The following KALRN variants were observed in gnomAD, a reference collection of about 807,000 sequenced individuals.
KALRN encodes kalirin.
KALRN carries 70 observed loss-of-function variants against 353.7 expected under a neutral mutation model. That is an observed-to-expected ratio of 0.20 (90% CI 0.16 to 0.24). The LOEUF (loss-of-function observed/expected upper bound fraction) is 0.24, where lower values mean the gene tolerates loss of function less well. KALRN is among the 10% of genes least tolerant of loss of function. KALRN has a pLI of 1.00. For missense variants in KALRN, 2,791 were observed against 3,756.7 expected (o/e 0.74, Z 6.72); for synonymous variants, 1,391 against 1,434.8 (o/e 0.97, Z 0.69).
intron 25 of KALRN, among the ~76,000 whole-genome samples, chr3:124,463,798 G>A (rs2060076072): frequency 6.6e-6 from 1 of 152,010 alleles, no homozygotes; most frequent in African/African-American, 2.4e-5. Flanking sequence ...TTCACCTCCT[G>A]GTTATTAATT....
rs373541267 is a variant in KALRN, at chr3:124,717,324, G to A, written c.8354G>A (p.Arg2785Gln). ...LMEEKVAFYI[R>Q]DIMEALQYLH... is the part of the protein sequence containing the mutation. The stretch of plus-strand genomic sequence containing the variant: ...GAGGAAAAAGTAGCTTTCTATATCC[G>A]AGACATCATGGAGGCTCTGCAGTAC... Residue 2785 changes from arginine (R) to glutamine (Q), a missense_variant, in exon 59 of 60, where the codon CGA (arginine) becomes CAA (glutamine). Physicochemically the swap from Arg to Gln is conservative, Grantham distance 43 (BLOSUM62 1). This residue lies in a region of KALRN where 188 missense variants were observed against 402.9 expected (regional missense o/e 0.47). Coordinates refer to ENST00000682506, the MANE Select transcript of KALRN (RefSeq NM_001388419.1). 3.6e-5 allele frequency: 58 copies of A among 1,612,346 alleles called. No individual in the cohort carries two copies. Among genetic ancestry groups the A allele is most frequent in the Non-Finnish European group, 4.8e-5 (57 of 1,179,104 alleles).
At chr3:124,121,859 G>T (rs1339931710) in intron 1 of KALRN, among the ~76,000 whole-genome samples, 4 of 152,194 alleles carry the variant, frequency 2.6e-5, no homozygotes. Flanking sequence ...CCTAATCACA[G>T]GCAGACCTGT....
At chr3:124,314,327 A>G (rs930341380) in intron 6 of KALRN, among the ~76,000 whole-genome samples, 5 of 122,350 alleles carry the variant, frequency 4.1e-5, no homozygotes, top group Non-Finnish European at 6.5e-5. Flanking sequence ...AGGTTGGGGA[A>G]CATCACATAC....
intron 6 of KALRN, among the ~76,000 whole-genome samples, chr3:124,312,959 G>A (rs1346362759): frequency 1.3e-5 from 2 of 152,182 alleles, no homozygotes; most frequent in Non-Finnish European, 1.5e-5. Context: ...ATGATGTTAA[G>A]CATTTCACAG....
intron 1 of KALRN, among the ~76,000 whole-genome samples, chr3:124,036,257 CTCTT>C (rs1343941652): frequency 6.6e-6 from 1 of 152,076 alleles, no homozygotes; most frequent in African/African-American, 2.4e-5. Flanking sequence ...TGTTATTCCT[CTCTT>C]TGTGTCCATG....
chr3:124,186,798 A>G (rs1193250104), intron 1 of KALRN, among the ~76,000 whole-genome samples: 1 of 152,136 alleles, frequency 6.6e-6, no homozygotes, highest in African/African-American at 2.4e-5. Context: ...CGTTCCTTTG[A>G]CTTAAGATGT....
At chr3:124,183,463 A>G (rs1368043568) in intron 1 of KALRN, among the ~76,000 whole-genome samples, 1 of 152,174 alleles carries the variant, frequency 6.6e-6, no homozygotes, top group African/African-American at 2.4e-5. Flanking sequence ...TTGCAAGGTC[A>G]GCACCAAGCC....
chr3:124,398,653 T>G (rs773655529), intron 12 of KALRN, 44 bp from the exon 13 acceptor site: 2 of 1,604,260 alleles, frequency 1.2e-6, no homozygotes, highest in South Asian at 2.2e-5. Flanking sequence ...ACTTTTAACA[T>G]GGAAAGGCCT....
intron 25 of KALRN, among the ~76,000 whole-genome samples, chr3:124,464,780 T>C (rs935608116): frequency 6.9e-6 from 1 of 145,298 alleles, no homozygotes; most frequent in Non-Finnish European, 1.5e-5. Flanking sequence ...CAAACAAGAA[T>C]CAAGAACTTG....
At chr3:124,198,592 C>A (rs2075665605) in intron 1 of KALRN, among the ~76,000 whole-genome samples, 1 of 152,158 alleles carries the variant, frequency 6.6e-6, no homozygotes, top group South Asian at 2.1e-4. Context: ...AGGGCAACAT[C>A]CCTCAAACAA....
intron 34 of KALRN, among the ~76,000 whole-genome samples, chr3:124,609,289 C>G (rs1393343864): frequency 6.6e-6 from 1 of 151,778 alleles, no homozygotes; most frequent in African/African-American, 2.4e-5. Flanking sequence ...GTGTTTTTAT[C>G]TGTTGAGGTC....
chr3:124,646,829 GAT>G (rs34981504), intron 37 of KALRN, among the ~76,000 whole-genome samples: 43,555 of 151,342 alleles, frequency 0.29, 6,413 homozygotes, highest in East Asian at 0.43. Flanking sequence ...TTGAAATTTT[GAT>G]ATGTTTTCTT....
At chr3:124,253,840 A>G (rs180712151) in intron 3 of KALRN, among the ~76,000 whole-genome samples, 1 of 152,374 alleles carries the variant, frequency 6.6e-6, no homozygotes, top group African/African-American at 2.4e-5. Context: ...AGCCCCCAGC[A>G]GCACACACTA....
intron 33 of KALRN, among the ~76,000 whole-genome samples, chr3:124,514,366 C>T (rs2066301157): frequency 6.6e-6 from 1 of 152,102 alleles, no homozygotes; most frequent in Non-Finnish European, 1.5e-5. Context: ...ATTCCCCACC[C>T]GATCTAATGG....
chr3:124,590,027 T>C (rs1406408244), intron 34 of KALRN, among the ~76,000 whole-genome samples: 3 of 152,020 alleles, frequency 2.0e-5, no homozygotes, highest in Non-Finnish European at 4.4e-5. Context: ...TCTTTTTTTC[T>C]TTTTTTTAAA....
chr3:124,055,161 G>A (rs529427399), intron 1 of KALRN, among the ~76,000 whole-genome samples: 1 of 152,290 alleles, frequency 6.6e-6, no homozygotes, highest in African/African-American at 2.4e-5. Context: ...TTTAGCATTT[G>A]CCAACAGATT....
chr3:124,061,458 C>T (rs896511145), intron 1 of KALRN, among the ~76,000 whole-genome samples: 3 of 152,200 alleles, frequency 2.0e-5, no homozygotes, highest in Admixed American at 1.3e-4. Flanking sequence ...CATGCCAGGA[C>T]ACCATTCTTT....
intron 33 of KALRN, among the ~76,000 whole-genome samples, chr3:124,561,465 C>T (rs773076609): frequency 4.6e-5 from 7 of 152,186 alleles, no homozygotes; most frequent in Admixed American, 3.3e-4. Flanking sequence ...CCTCTGATAT[C>T]GAAGTCCCTT....
At position 124,661,851 on chromosome 3, in the gene KALRN, A is replaced by C; in HGVS notation, c.6268A>C (p.Lys2090Gln). ...GAGTAACAGTTGTTCTTTCCCACAG[A>C]AAGCAGTGGAGTTAATGTGCCTTGT... The part of the protein sequence containing the change: ...KAGLECSDIE[K>Q]AVELMCLVPK... Residue 2090 changes from lysine to glutamine, a missense_variant and splice_region_variant, in exon 45 of 60, where the codon AAA becomes CAA. Physicochemically the swap from Lys to Gln is moderately conservative, Grantham distance 53 (BLOSUM62 1). Transcript: ENST00000682506. 1 of 1,612,890 alleles carries C rather than the reference A, an allele frequency of 6.2e-7. No individual in the cohort carries two copies. The highest frequency in any genetic ancestry group is 8.5e-7 in the Non-Finnish European group (1 of 1,178,844).
Sources: allele counts gnomAD v4.1 joint callset (sites outside exome capture counted in the v4.1 genomes callset), GRCh38; gene constraint gnomAD v4.1.1; regional missense constraint gnomAD v4.1.1; transcripts MANE v1.5; gene names NCBI Gene and HGNC (gene_info 2026-07-23, HGNC 2026-07-21).